The following VDAC1 variants were observed in gnomAD, a reference collection of about 807,000 sequenced individuals.
The protein encoded by VDAC1 is voltage dependent anion channel 1, also known as non-selective voltage-gated ion channel VDAC1.
Under a neutral mutation model 34.7 loss-of-function variants are expected in VDAC1, and 10 were observed. The observed-to-expected ratio is 0.29, with a 90% confidence interval of 0.18 to 0.49. The LOEUF is 0.49. Among genes scored for constraint, VDAC1 ranks in the 20% least tolerant of loss-of-function variants. VDAC1 has a pLI of 0.99. For synonymous variants in VDAC1, 130 were observed against 136.0 expected, an observed-to-expected ratio of 0.96 and a Z score of 0.30; for missense variants, 230 against 347.9, an observed-to-expected ratio of 0.66 and a Z score of 2.69.
At chr5:134,057,505 C>CTATATG in the VDAC1 span, among the ~76,000 whole-genome samples, 1 of 146,266 alleles carries the variant, frequency 6.8e-6, no homozygotes, top group Admixed American at 6.9e-5. Flanking sequence ...ATATCTATAT[C>CTATATG]TATATCTATA....
At chr5:134,103,859 G>A in the VDAC1 span, among the ~76,000 whole-genome samples, 12 of 152,328 alleles carry the variant, frequency 7.9e-5, no homozygotes, top group East Asian at 2.3e-3. Flanking sequence ...CCAGTTTGAG[G>A]TCCTAGGAGC....
the VDAC1 span, among the ~76,000 whole-genome samples, chr5:134,032,124 CAAA>C: frequency 6.9e-4 from 25 of 36,128 alleles, no homozygotes; most frequent in African/African-American, 2.4e-3. Flanking sequence ...CTCTGCCTCA[CAAA>C]AAAAAAAAAA....
intron 1 of VDAC1, chr5:134,004,628 C>A (rs1753690383): frequency 6.6e-6 from 1 of 151,852 alleles, no homozygotes; most frequent in South Asian, 2.1e-4. Context: ...AAGCCGGGGT[C>A]CTTTTCCGCT....
chr5:134,030,413 T>C, the VDAC1 span, among the ~76,000 whole-genome samples: 1 of 152,132 alleles, frequency 6.6e-6, no homozygotes, highest in South Asian at 2.1e-4. Flanking sequence ...GCCCATCATG[T>C]TGGACAGGGA....
the VDAC1 span, among the ~76,000 whole-genome samples, chr5:134,101,382 T>C: frequency 6.6e-6 from 1 of 151,974 alleles, no homozygotes; most frequent in Non-Finnish European, 1.5e-5. Context: ...CCGAGGTCAG[T>C]AGTTCGAGAC....
the VDAC1 span, among the ~76,000 whole-genome samples, chr5:134,087,871 A>T: frequency 7.5e-6 from 1 of 132,472 alleles, no homozygotes; most frequent in South Asian, 2.5e-4. Context: ...CAAAACAAGC[A>T]GGGCACGTTG....
At chr5:134,030,888 C>T in the VDAC1 span, among the ~76,000 whole-genome samples, 1 of 152,150 alleles carries the variant, frequency 6.6e-6, no homozygotes, top group Non-Finnish European at 1.5e-5. Flanking sequence ...GCTGGGATTA[C>T]AGCCGTGAGC....
chr5:134,039,100 G>C, the VDAC1 span, among the ~76,000 whole-genome samples: 1 of 152,148 alleles, frequency 6.6e-6, no homozygotes. Flanking sequence ...CAAGCAAAGT[G>C]AAACCAATTC....
the VDAC1 span, among the ~76,000 whole-genome samples, chr5:134,113,965 T>TG: frequency 2.6e-5 from 4 of 152,204 alleles, no homozygotes; most frequent in Admixed American, 6.5e-5. Flanking sequence ...GGAACCGAGT[T>TG]GGGAGAGTCA....
At chr5:134,015,727 C>A in the VDAC1 span, among the ~76,000 whole-genome samples, 1 of 151,964 alleles carries the variant, frequency 6.6e-6, no homozygotes, top group Non-Finnish European at 1.5e-5. Context: ...TCACTGCAAC[C>A]TCCGCCTCCC....
the VDAC1 span, among the ~76,000 whole-genome samples, chr5:134,044,151 AC>A: frequency 1.3e-5 from 2 of 152,050 alleles, no homozygotes; most frequent in African/African-American, 2.4e-5. Flanking sequence ...TTGAGTTTAC[AC>A]CCCCTCATTT....
At chr5:133,985,153 A>G (rs1752858998) in intron 5 of VDAC1, among the ~76,000 whole-genome samples, 1 of 152,112 alleles carries the variant, frequency 6.6e-6, no homozygotes, top group South Asian at 2.1e-4. Flanking sequence ...TCTCTATTAA[A>G]TGTTTCTTTC....
At chr5:134,013,367 C>G in the VDAC1 span, among the ~76,000 whole-genome samples, 3 of 151,938 alleles carry the variant, frequency 2.0e-5, no homozygotes, top group Admixed American at 6.6e-5. Context: ...TCCAGGAGGT[C>G]GAGGCTGCAG....
At chr5:134,069,687 G>T in the VDAC1 span, among the ~76,000 whole-genome samples, 2 of 152,156 alleles carry the variant, frequency 1.3e-5, no homozygotes, top group East Asian at 3.8e-4. Flanking sequence ...TTCGGGTTGG[G>T]TTAGGGCTGG....
chr5:134,017,169 A>C, the VDAC1 span, among the ~76,000 whole-genome samples: 1 of 152,132 alleles, frequency 6.6e-6, no homozygotes, highest in East Asian at 1.9e-4. Context: ...GCTTGTAGCA[A>C]TTTATAAGTA....
At chr5:133,983,055 G>A (rs1197314184) in intron 5 of VDAC1, among the ~76,000 whole-genome samples, 1 of 151,486 alleles carries the variant, frequency 6.6e-6, no homozygotes, top group Non-Finnish European at 1.5e-5. Flanking sequence ...TTCGAGCCCA[G>A]CCTGACCAAC....
intron 1 of VDAC1, among the ~76,000 whole-genome samples, chr5:134,004,275 G>T (rs965977516): frequency 6.6e-6 from 1 of 152,100 alleles, no homozygotes; most frequent in East Asian, 1.9e-4. Context: ...GATGCACGCT[G>T]GTGGGATCCA....
chr5:134,043,023 AAG>A, the VDAC1 span, among the ~76,000 whole-genome samples: 1 of 152,170 alleles, frequency 6.6e-6, no homozygotes, highest in Non-Finnish European at 1.5e-5. Flanking sequence ...GCTTGGATGA[AAG>A]AATGGGAGCA....
At chr5:134,014,722 C>T in the VDAC1 span, among the ~76,000 whole-genome samples, 21 of 152,202 alleles carry the variant, frequency 1.4e-4, no homozygotes, top group Admixed American at 5.9e-4. Flanking sequence ...AAAAATTAGC[C>T]GGGCATGGTG....
Sources: allele counts gnomAD v4.1 joint callset (sites outside exome capture counted in the v4.1 genomes callset), GRCh38; gene constraint gnomAD v4.1.1; transcripts MANE v1.5; gene names NCBI Gene and HGNC (gene_info 2026-07-23, HGNC 2026-07-21).